Variants in KRT16 observed in about 807,000 individuals in gnomAD.
The protein encoded by KRT16 is keratin 16.
KRT16 carries 42 observed loss-of-function variants against 44.8 expected under a neutral mutation model. The ratio of observed to expected loss-of-function variants is 0.94; its 90% confidence interval spans 0.73 to 1.21. The LOEUF (loss-of-function observed/expected upper bound fraction) is 1.21, where lower values mean the gene tolerates loss of function less well. KRT16 is among the 50% of genes most tolerant of loss of function. KRT16 has a pLI of 0.00. For missense variants in KRT16, 561 were observed against 626.9 expected (o/e 0.89, Z 1.12); for synonymous variants, 226 against 260.4 (o/e 0.87, Z 1.27).
In KRT16 at chr17:41,610,360, G is replaced by A; in HGVS notation, c.1251C>T (p.Tyr417=). 3 of 1,612,674 alleles carry A rather than the reference G, an allele frequency of 1.9e-6. No homozygotes were observed. Among genetic ancestry groups the A allele is most frequent in the South Asian group, 1.1e-5 (1 of 91,018 alleles). The part of the protein sequence containing the change: ...KTRLEQEIAT[Y]RRLLEGEDAH... Reference sequence around the variant, plus strand: ...CATCCTCGCCCTCCAGCAGGCGGCGGTAGGTGGCAATCTCCTGCTCCAGCC... The same window carrying A: ...CATCCTCGCCCTCCAGCAGGCGGCGATAGGTGGCAATCTCCTGCTCCAGCC... The change falls in exon 6 of 8, where the codon TAC becomes TAT. Residue 417 remains tyrosine (Y), a synonymous_variant. Transcript: ENST00000301653.
rs1175528301 is a variant in KRT16 at position 41,611,388 on chromosome 17, C to T, written c.728G>A (p.Gly243Asp). 6.2e-7 allele frequency: 1 copy of T among 1,614,132 alleles called. No individual in the cohort carries two copies. Residue 243 changes from glycine (G) to aspartate (D), a missense_variant, in exon 3 of 8, where the codon GGC (glycine) becomes GAC (aspartate). Physicochemically the swap from Gly to Asp is moderately conservative, Grantham distance 94. Transcript: ENST00000301653. ...CAGGTAGGCCAGCTCCTCCTTCAGGCCTTCGATCTGCATCTCCAGGTCAGT... is the reference window on the plus strand; with the variant it reads ...CAGGTAGGCCAGCTCCTCCTTCAGGTCTTCGATCTGCATCTCCAGGTCAGT... ...ARTDLEMQIE[G>D]LKEELAYLRK...
rs745323260 is a variant in KRT16, at chr17:41,612,566, A to G, written c.123T>C (p.Arg41=). Residue 41 remains arginine (R), a synonymous_variant, in exon 1 of 8, where the codon CGT becomes CGC. Transcript: ENST00000301653. The part of the protein sequence containing the change: ...ISSVLAGGSC[R]APSTYGGGLS... ...GGCCGCCCCCGTAGGTGCTGGGGGC[A>G]CGGCAGGACCCTCCGGCCAGGACGG... is the stretch of plus-strand genomic sequence containing the variant. 2.6e-5 allele frequency: 41 copies of G among 1,595,088 alleles called. No homozygotes were observed. The highest frequency in any genetic ancestry group is 4.5e-5 in the South Asian group (4 of 89,472).
chr17:41,612,671 G>A lies in KRT16; in HGVS notation c.18C>T (p.Arg6=), dbSNP rs1242315428. 1 of 1,598,906 alleles carries A rather than the reference G, an allele frequency of 6.3e-7. No homozygotes were observed. Among genetic ancestry groups the A allele is most frequent in the South Asian group, 1.1e-5 (1 of 89,302 alleles). The change falls in exon 1 of 8, where the codon CGC becomes CGT. Residue 6 remains arginine (R), a synonymous_variant. Coordinates refer to ENST00000301653, the MANE Select transcript of KRT16 (RefSeq NM_005557.4). Reference sequence around the variant, plus strand: ...TCATGGAGCTGGAGGAGGTGAACTGGCGGCTGCAGGTGGTCATGGTGCCAA... The same window carrying A: ...TCATGGAGCTGGAGGAGGTGAACTGACGGCTGCAGGTGGTCATGGTGCCAA... MTTCS[R]QFTSSSSMKG... is the part of the protein sequence containing the mutation.
Position 41,611,479 on chromosome 17 carries a change from G to A in KRT16, c.637C>T (p.Arg213Trp), listed in dbSNP as rs148173278. 722 of 1,614,018 alleles carry A rather than the reference G, an allele frequency of 4.5e-4. 3 individuals carry two copies. The African/African-American group carries it at 6.5e-3, about 14-fold the overall frequency. ...TTGACGTCGGCCTCCACAGTCTGCCGCAGGGCCAGTTCATGCTCATACCTG... is the reference window on the plus strand; with the variant it reads ...TTGACGTCGGCCTCCACAGTCTGCCACAGGGCCAGTTCATGCTCATACCTG... Reference protein sequence around the residue: ...RTKYEHELALRQTVEADVNGL... With the variant: ...RTKYEHELALWQTVEADVNGL... The change falls in exon 3 of 8, where the codon CGG becomes TGG. Residue 213 changes from arginine to tryptophan, a missense_variant. Physicochemically the swap from Arg to Trp is moderately radical, Grantham distance 101 (BLOSUM62 -3). Coordinates refer to ENST00000301653, the MANE Select transcript of KRT16 (RefSeq NM_005557.4).
In KRT16 at chr17:41,610,130, C is replaced by G. The variant is rs574276845; in HGVS notation, c.1327+60G>C. The G allele has an allele frequency of 1.0e-5, 16 of 1,602,912 alleles. No individual in the cohort carries two copies. In the African/African-American group the frequency reaches 1.9e-4, roughly 19 times the overall value. ...GGGAGCTCTGAGGAGAAGGGCCCAG[C>G]CCCCACTCCATGGAAACAGGCAGAG... On this transcript the variant is annotated intron_variant, in intron 7 of 7. Transcript: ENST00000301653.
chr17:41,610,481 C>A lies in KRT16; in HGVS notation c.1130G>T (p.Gly377Val), dbSNP rs1567744514. The A allele has an allele frequency of 1.2e-6, 2 of 1,612,188 alleles. No individual in the cohort carries two copies. The highest frequency in any genetic ancestry group is 1.7e-6 in the Non-Finnish European group (2 of 1,179,872). ...CTGCTCCTCCACACTGCCAATCAGTCCCTGGATCTGGGACAGCTGCATGCA... is the reference window on the plus strand; with the variant it reads ...CTGCTCCTCCACACTGCCAATCAGTACCTGGATCTGGGACAGCTGCATGCA... ...RYCMQLSQIQGLIGSVEEQLA... is the reference protein window; with the variant it reads ...RYCMQLSQIQVLIGSVEEQLA... Residue 377 changes from glycine to valine, a missense_variant, in exon 6 of 8, where the codon GGA (glycine) becomes GTA (valine). Physicochemically the swap from Gly to Val is moderately radical, Grantham distance 109. Transcript: ENST00000301653.
chr17:41,611,286 G>T (rs1161663695), intron 3 of KRT16, 56 bp from the exon 4 acceptor site: 4 of 1,613,752 alleles, frequency 2.5e-6, no homozygotes, highest in Non-Finnish European at 8.5e-7. Flanking sequence ...CTGGCCCTGG[G>T]TGCATCTGGC....
At position 41,611,049 on chromosome 17, in the gene KRT16, A is replaced by G. The variant is rs771241405; in HGVS notation, c.933+20T>C. ...CCCAGCTGGGAAGTGCTGCAGGCTC[A>G]CTGCGGGCCCGAGCCCCACCTTGCT... On this transcript the variant is annotated intron_variant, in intron 4 of 7. Coordinates refer to ENST00000301653, the MANE Select transcript of KRT16 (RefSeq NM_005557.4). 1.2e-6 allele frequency: 2 copies of G among 1,613,888 alleles called. No homozygotes were observed. The highest frequency in any genetic ancestry group is 2.7e-5 in the African/African-American group (2 of 74,920).
At position 41,611,397 on chromosome 17, in the gene KRT16, T is replaced by C; in HGVS notation, c.719A>G (p.Gln240Arg). Residue 240 changes from glutamine (Q) to arginine (R), a missense_variant, in exon 3 of 8, where the codon CAG becomes CGG. Coordinates refer to ENST00000301653, the MANE Select transcript of KRT16 (RefSeq NM_005557.4). ...CAGCTCCTCCTTCAGGCCTTCGATC[T>C]GCATCTCCAGGTCAGTCCTGGCCAG... Reference protein sequence around the residue: ...LTLARTDLEMQIEGLKEELAY... With the variant: ...LTLARTDLEMRIEGLKEELAY... 6.2e-7 allele frequency: 1 copy of C among 1,614,238 alleles called. No individual in the cohort carries two copies. Among genetic ancestry groups the C allele is most frequent in the South Asian group, 1.1e-5 (1 of 91,092 alleles).
intron 3 of KRT16, 49 bp downstream of exon 3, chr17:41,611,296 C>T (rs1908187630): frequency 6.2e-7 from 1 of 1,613,786 alleles, no homozygotes; most frequent in African/African-American, 1.3e-5. Context: ...GTGCATCTGG[C>T]AACCCCACCA....
chr17:41,611,487 A>G lies in KRT16; in HGVS notation c.629T>C (p.Leu210Pro). The G allele has an allele frequency of 6.2e-7, 1 of 1,613,976 alleles. No homozygotes were observed. Among genetic ancestry groups the G allele is most frequent in the Non-Finnish European group, 8.5e-7 (1 of 1,180,022 alleles). Residue 210 changes from leucine to proline, a missense_variant, in exon 3 of 8, where the codon CTG becomes CCG. By Grantham distance (98) the Leu-to-Pro change is moderately conservative. Transcript: ENST00000301653. ...GGCCTCCACAGTCTGCCGCAGGGCCAGTTCATGCTCATACCTGGCAGGACA... is the reference window on the plus strand; with the variant it reads ...GGCCTCCACAGTCTGCCGCAGGGCCGGTTCATGCTCATACCTGGCAGGACA... ...DDFRTKYEHE[L>P]ALRQTVEADV...
rs144088254 is a variant in KRT16 at position 41,612,477 on chromosome 17, C to T, written c.212G>A (p.Gly71Asp). Residue 71 changes from glycine (G) to aspartate (D), a missense_variant, in exon 1 of 8, where the codon GGC becomes GAC. By Grantham distance (94) the Gly-to-Asp change is moderately conservative. Coordinates refer to ENST00000301653, the MANE Select transcript of KRT16 (RefSeq NM_005557.4). ...ACCAAAGCTGCTGCTGCTGCTGAAGCCACCGCCATAGCCGCCCCCCAGCCC... is the reference window on the plus strand; with the variant it reads ...ACCAAAGCTGCTGCTGCTGCTGAAGTCACCGCCATAGCCGCCCCCCAGCCC... ...ACGLGGGYGGGFSSSSSFGSG... is the reference protein window; with the variant it reads ...ACGLGGGYGGDFSSSSSFGSG... 1.9e-6 allele frequency: 3 copies of T among 1,608,532 alleles called. No homozygotes were observed. The highest frequency in any genetic ancestry group is 2.2e-5 in the East Asian group (1 of 44,778).
Position 41,611,634 on chromosome 17 carries a change from C to T in KRT16, c.614+5G>A. ...TGCCCCCAGCCCACCATGCTGGCTG[C>T]TCACTTGGTCCTGAAGTCATCGGCT... On this transcript the variant is annotated splice_donor_5th_base_variant and intron_variant, in intron 2 of 7. Transcript: ENST00000301653. The T allele has an allele frequency of 1.2e-6, 2 of 1,611,100 alleles. No individual in the cohort carries two copies. Among genetic ancestry groups the T allele is most frequent in the South Asian group, 1.1e-5 (1 of 90,798 alleles).
Position 41,611,731 on chromosome 17 carries a change from G to A in KRT16, c.532-10C>T. On this transcript the variant is annotated splice_polypyrimidine_tract_variant and intron_variant, in intron 1 of 7. Transcript: ENST00000301653. ...TGGTGGCCGCAATGATCTGGAGTGG[G>A]GATGGAGGACAGGAGCCCTGGTCAG... The A allele has an allele frequency of 6.2e-7, 1 of 1,607,990 alleles. No homozygotes were observed. Among genetic ancestry groups the A allele is most frequent in the Non-Finnish European group, 8.5e-7 (1 of 1,177,776 alleles).
chr17:41,612,611 G>T lies in KRT16; in HGVS notation c.78C>A (p.Gly26=), dbSNP rs374940369. 2.5e-6 allele frequency: 4 copies of T among 1,594,784 alleles called. No homozygotes were observed. The highest frequency in any genetic ancestry group is 1.7e-5 in the Admixed American group (1 of 57,420). ...GGACGGAGGAGATGCGGCTGGAGCCGCCCCCGATGCCGCCTCCGATGCCGC... is the reference window on the plus strand; with the variant it reads ...GGACGGAGGAGATGCGGCTGGAGCCTCCCCCGATGCCGCCTCCGATGCCGC... ...GSCGIGGGIG[G]GSSRISSVLA... The change falls in exon 1 of 8, where the codon GGC becomes GGA. Residue 26 remains glycine (G), a synonymous_variant. Transcript: ENST00000301653.
rs373253568 is a variant in KRT16 at position 41,611,054 on chromosome 17, G to A, written c.933+15C>T. The A allele has an allele frequency of 4.7e-4, 764 of 1,614,000 alleles. 5 individuals are homozygous for A. The South Asian group carries it at 7.6e-3, about 16-fold the overall frequency. On this transcript the variant is annotated intron_variant, in intron 4 of 7. Transcript: ENST00000301653. ...CTGGGAAGTGCTGCAGGCTCACTGCGGGCCCGAGCCCCACCTTGCTCAGGA... is the reference window on the plus strand; with the variant it reads ...CTGGGAAGTGCTGCAGGCTCACTGCAGGCCCGAGCCCCACCTTGCTCAGGA...
chr17:41,611,697 C>T lies in KRT16; in HGVS notation c.556G>A (p.Ala186Thr), dbSNP rs148632325. The T allele has an allele frequency of 7.9e-5, 128 of 1,611,228 alleles. 1 individual carries two copies. In the East Asian group the frequency reaches 2.8e-3, roughly 35 times the overall value. ...NKIIAATIENAQPILQIDNAR... is the reference protein window; with the variant it reads ...NKIIAATIENTQPILQIDNAR... ...TTGTCAATCTGCAAAATGGGCTGCG[C>T]ATTCTCAATGGTGGCCGCAATGATC... The change falls in exon 2 of 8, where the codon GCG becomes ACG. Residue 186 changes from alanine (A) to threonine (T), a missense_variant. Coordinates refer to ENST00000301653, the MANE Select transcript of KRT16 (RefSeq NM_005557.4).
In KRT16 at chr17:41,611,092, C is replaced by T. The variant is rs778664716; in HGVS notation, c.910G>A (p.Ala304Thr). ...ACCTTGCTCAGGAACCAGGTCTCAG[C>T]GTCTCTGCGGTTTTTCTCTGCCATC... ...EQMAEKNRRD[A>T]ETWFLSKTEE... Residue 304 changes from alanine to threonine, a missense_variant, in exon 4 of 8, where the codon GCT (alanine) becomes ACT (threonine). Coordinates refer to ENST00000301653, the MANE Select transcript of KRT16 (RefSeq NM_005557.4). The T allele has an allele frequency of 1.7e-5, 28 of 1,613,930 alleles. No individual in the cohort carries two copies. Among genetic ancestry groups the T allele is most frequent in the Admixed American group, 6.7e-5 (4 of 60,008 alleles).
Position 41,609,957 on chromosome 17 carries a change from A to G in KRT16, c.1400T>C (p.Phe467Ser). 6.2e-7 allele frequency: 1 copy of G among 1,611,878 alleles called. No homozygotes were observed. Among genetic ancestry groups the G allele is most frequent in the Non-Finnish European group, 8.5e-7 (1 of 1,179,824 alleles). Residue 467 changes from phenylalanine to serine, a missense_variant, in exon 8 of 8, where the codon TTC becomes TCC. Transcript: ENST00000301653. ...PILKEQSSSS[F>S]SQGQSS ...GTTCTAGGAGCTCTGGCCCTGGCTGAAGCTGGATGAGCTCTGCTCCTTGAG... is the reference window on the plus strand; with the variant it reads ...GTTCTAGGAGCTCTGGCCCTGGCTGGAGCTGGATGAGCTCTGCTCCTTGAG...
Sources: gnomAD v4.1 joint callset for allele counts on GRCh38, gnomAD v4.1.1 for gene constraint, MANE v1.5 for transcripts, NCBI Gene and HGNC (gene_info 2026-07-23, HGNC 2026-07-21) for gene names.